Variants in TMEM132D observed in about 807,000 individuals in gnomAD.
TMEM132D encodes the protein transmembrane protein 132D.
Under a neutral mutation model 62.3 loss-of-function variants are expected in TMEM132D, and 21 were observed. That is an observed-to-expected ratio of 0.34 (90% CI 0.24 to 0.49). The LOEUF (loss-of-function observed/expected upper bound fraction) is 0.49. Among genes scored for constraint, TMEM132D ranks in the 20% least tolerant of loss-of-function variants. The probability of loss-of-function intolerance (pLI) is 0.99; values close to 1 mark genes in which losing one functional copy is unlikely to be tolerated. For synonymous variants in TMEM132D, 621 were observed against 575.6 expected (o/e 1.08, Z -1.13); for missense variants, 1,346 against 1,402.8 (o/e 0.96, Z 0.65).
At chr12:129,457,041 A>G (rs1014286884) in intron 3 of TMEM132D, among the ~76,000 whole-genome samples, 6 of 151,922 alleles carry the variant, frequency 3.9e-5, no homozygotes, top group Non-Finnish European at 7.4e-5. Flanking sequence ...GCGATTCCTC[A>G]GGGATCTAGA....
chr12:129,084,415 T>A (rs10847755), intron 6 of TMEM132D, 82 bp downstream of exon 6: 558,150 of 1,368,938 alleles, frequency 0.41, 115,834 homozygotes, highest in East Asian at 0.55. Context: ...ACCACATGCA[T>A]CCTCAGACCC....
chr12:129,395,600 G>A (rs1442876219), intron 3 of TMEM132D, among the ~76,000 whole-genome samples: 2 of 151,666 alleles, frequency 1.3e-5, no homozygotes, highest in African/African-American at 4.8e-5. Context: ...ATTCTTTTCT[G>A]TGGATTGCAA....
chr12:129,447,643 G>A (rs1408270366), intron 3 of TMEM132D, among the ~76,000 whole-genome samples: 1 of 152,158 alleles, frequency 6.6e-6, no homozygotes, highest in East Asian at 1.9e-4. Flanking sequence ...TTGCCAAAAG[G>A]TTCATTGCTA....
intron 5 of TMEM132D, among the ~76,000 whole-genome samples, chr12:129,100,539 A>G (rs1397710124): frequency 2.0e-5 from 3 of 152,164 alleles, no homozygotes; most frequent in Non-Finnish European, 2.9e-5. Context: ...AATGTGCAGA[A>G]CTTATCTTTC....
chr12:129,849,480 T>C (rs115665951), intron 1 of TMEM132D, among the ~76,000 whole-genome samples: 1,880 of 152,358 alleles, frequency 0.012, 40 homozygotes, highest in African/African-American at 0.042. Context: ...CCTTTCTATA[T>C]AATAATTGAA....
At position 129,767,377 on chromosome 12, in the gene TMEM132D, G is replaced by A. The variant is rs190554672; in HGVS notation, c.80-66679C>T. On this transcript the variant is annotated intron_variant, in intron 1 of 8. Coordinates refer to ENST00000422113, the MANE Select transcript of TMEM132D (RefSeq NM_133448.3). Reference sequence around the variant, plus strand: ...CAGTTAAGAACTAAGATGGGTAGAGGTGATCCACAGCTTTCCCTACAGTAT... The same window carrying A: ...CAGTTAAGAACTAAGATGGGTAGAGATGATCCACAGCTTTCCCTACAGTAT... 2.4e-4 allele frequency among the ~76,000 whole-genome samples: 37 copies of A among 151,998 alleles called. No homozygotes were observed. The East Asian group carries it at 7.0e-3, about 29-fold the overall frequency.
intron 2 of TMEM132D, among the ~76,000 whole-genome samples, chr12:129,635,146 C>T (rs1879443859): frequency 6.6e-6 from 1 of 152,222 alleles, no homozygotes; most frequent in Non-Finnish European, 1.5e-5. Flanking sequence ...CCTCACCTTC[C>T]CTCGCTGTCC....
intron 1 of TMEM132D, among the ~76,000 whole-genome samples, chr12:129,882,436 C>T (rs374108894): frequency 1.3e-5 from 2 of 152,038 alleles, no homozygotes; most frequent in South Asian, 2.1e-4. Context: ...TTGGGTTTGA[C>T]GAGGAAAATA....
At chr12:129,652,584 T>G (rs1879959136) in intron 2 of TMEM132D, among the ~76,000 whole-genome samples, 1 of 152,064 alleles carries the variant, frequency 6.6e-6, no homozygotes. Flanking sequence ...CCCTGCTGGG[T>G]TTTAGGATGC....
At chr12:129,689,169 T>C (rs1171453842) in intron 2 of TMEM132D, among the ~76,000 whole-genome samples, 1 of 151,476 alleles carries the variant, frequency 6.6e-6, no homozygotes, top group Admixed American at 6.6e-5. Flanking sequence ...AAACTTAGCC[T>C]TGGGGGTTGC....
At chr12:129,841,464 GA>G (rs1229414508) in intron 1 of TMEM132D, among the ~76,000 whole-genome samples, 3 of 152,124 alleles carry the variant, frequency 2.0e-5, no homozygotes, top group African/African-American at 4.8e-5. Flanking sequence ...GGGCTGCTCA[GA>G]AAAAAACTTT....
chr12:129,717,932 C>A (rs929431653), intron 1 of TMEM132D, among the ~76,000 whole-genome samples: 2 of 152,154 alleles, frequency 1.3e-5, no homozygotes, highest in Non-Finnish European at 2.9e-5. Context: ...GTGAGCCGTG[C>A]TGGTCGCCAT....
At chr12:129,572,205 A>G (rs1467121135) in intron 2 of TMEM132D, among the ~76,000 whole-genome samples, 1 of 152,258 alleles carries the variant, frequency 6.6e-6, no homozygotes, top group Non-Finnish European at 1.5e-5. Flanking sequence ...AGAGTCACGT[A>G]GATTTGAGAG....
At chr12:129,374,449 A>G (rs1566049032) in intron 3 of TMEM132D, among the ~76,000 whole-genome samples, 1 of 152,156 alleles carries the variant, frequency 6.6e-6, no homozygotes, top group Non-Finnish European at 1.5e-5. Flanking sequence ...GGATGGACAC[A>G]TTCAGTGCAT....
chr12:129,852,370 C>T (rs982548146), intron 1 of TMEM132D: 28 of 152,182 alleles, frequency 1.8e-4, no homozygotes, highest in African/African-American at 6.5e-4. Flanking sequence ...ATGGCGAAAC[C>T]CTGTCTCTGC....
At chr12:129,279,131 A>T (rs1411125054) in intron 4 of TMEM132D, among the ~76,000 whole-genome samples, 1 of 152,206 alleles carries the variant, frequency 6.6e-6, no homozygotes, top group Non-Finnish European at 1.5e-5. Context: ...CACAAAAAGA[A>T]CCTGTGCAGC....
chr12:129,227,582 T>C (rs1879514389), intron 4 of TMEM132D, among the ~76,000 whole-genome samples: 2 of 147,396 alleles, frequency 1.4e-5, no homozygotes, highest in South Asian at 2.2e-4. Flanking sequence ...ATTTTATTTT[T>C]ATTTATTTTT....
At chr12:129,177,094 T>C (rs560714703) in intron 5 of TMEM132D, among the ~76,000 whole-genome samples, 3 of 152,222 alleles carry the variant, frequency 2.0e-5, no homozygotes, top group African/African-American at 7.2e-5. Flanking sequence ...CACAACCACA[T>C]AAATTTTAGA....
chr12:129,331,135 G>A (rs1393042794), intron 4 of TMEM132D, among the ~76,000 whole-genome samples: 1 of 152,164 alleles, frequency 6.6e-6, no homozygotes, highest in African/African-American at 2.4e-5. Flanking sequence ...GGGCTCTAAC[G>A]AGAGAATTCT....
Sources: gnomAD v4.1 joint callset for allele counts (sites outside exome capture counted in the v4.1 genomes callset) on GRCh38, gnomAD v4.1.1 for gene constraint, MANE v1.5 for transcripts, NCBI Gene and HGNC (gene_info 2026-07-23, HGNC 2026-07-21) for gene names.